The following PLEKHG7 variants were observed in gnomAD, a reference collection of about 807,000 sequenced individuals.
PLEKHG7 encodes pleckstrin homology domain-containing family G member 7.
A neutral mutation model predicts 85.2 loss-of-function variants in PLEKHG7; 77 were observed. The observed-to-expected ratio is 0.90, with a 90% CI of 0.75 to 1.09. The LOEUF (loss-of-function observed/expected upper bound fraction) is 1.09. Ranked by LOEUF, PLEKHG7 falls within the 50% of genes least tolerant of loss-of-function variation. The pLI, the probability that PLEKHG7 is intolerant of heterozygous loss-of-function variation, is 0.00. For synonymous variants in PLEKHG7, 301 were observed against 302.4 expected (o/e 1.00, Z 0.05); for missense variants, 777 against 804.3 (o/e 0.97, Z 0.41).
At chr12:92,764,392 C>T (rs1873127158) in intron 15 of PLEKHG7, among the ~76,000 whole-genome samples, 198 bp downstream of exon 15, 1 of 152,046 alleles carries the variant, frequency 6.6e-6, no homozygotes, top group Non-Finnish European at 1.5e-5. Flanking sequence ...TACTTGCTAG[C>T]CGTATGACCT....
intron 1 of PLEKHG7, among the ~76,000 whole-genome samples, chr12:92,706,203 C>T (rs1301557343): frequency 1.3e-5 from 2 of 152,120 alleles, no homozygotes; most frequent in Non-Finnish European, 1.5e-5. Flanking sequence ...CAGGAAGTAC[C>T]TTAAGTTACC....
Position 92,745,974 on chromosome 12 carries a change from G to A in PLEKHG7, c.1251+383G>A, listed in dbSNP as rs184019079. ...GAGTTAGTTCCAGCATAGAAACTTGGGACATCATTTACACTGTATTCTACA... is the reference window on the plus strand; with the variant it reads ...GAGTTAGTTCCAGCATAGAAACTTGAGACATCATTTACACTGTATTCTACA... On this transcript the variant is annotated intron_variant, in intron 10 of 16. Coordinates refer to ENST00000344636, the MANE Select transcript of PLEKHG7 (RefSeq NM_001377329.1). Among the ~76,000 whole-genome samples, 259 of 152,274 alleles carry A rather than the reference G, an allele frequency of 1.7e-3. 1 individual carries two copies. Among genetic ancestry groups the A allele is most frequent in the East Asian group, 6.8e-3 (35 of 5,182 alleles).
At position 92,707,126 on chromosome 12, in the gene PLEKHG7, C is replaced by T; in HGVS notation, c.495C>T (p.His165=). The change falls in exon 2 of 17, where the codon CAC becomes CAT. Residue 165 remains histidine, a synonymous_variant. Transcript: ENST00000344636. ...TCCTGCCCAGCCCCACCCTACGACA[C>T]CCTAGTCCTCAGGTAACACAGCTCT... ...GHFLPSPTLR[H]PSPQGEELHP... 1 of 1,612,862 alleles carries T rather than the reference C, an allele frequency of 6.2e-7. No homozygotes were observed. The highest frequency in any genetic ancestry group is 8.5e-7 in the Non-Finnish European group (1 of 1,179,470).
intron 11 of PLEKHG7, among the ~76,000 whole-genome samples, chr12:92,754,854 G>A (rs1398381650): frequency 1.3e-5 from 2 of 152,070 alleles, no homozygotes; most frequent in African/African-American, 4.8e-5. Flanking sequence ...GTGGGCATCA[G>A]AAGGGAACAA....
At chr12:92,729,167 G>A (rs867360835) in intron 4 of PLEKHG7, 47 bp downstream of exon 4, 10 of 1,230,792 alleles carry the variant, frequency 8.1e-6, no homozygotes, top group East Asian at 6.3e-5. Context: ...CTGTGGAACA[G>A]ATATTGCCAT....
chr12:92,707,851 C>A, intron 3 of PLEKHG7, 179 bp downstream of exon 3: 1 of 1,015,936 alleles, frequency 9.8e-7, no homozygotes, highest in South Asian at 1.5e-5. Context: ...AAGAGTCTCC[C>A]TTTAAGAGCA....
intron 7 of PLEKHG7, 51 bp from the exon 8 acceptor site, chr12:92,740,802 T>C (rs1872331856): frequency 1.5e-6 from 2 of 1,291,628 alleles, no homozygotes; most frequent in African/African-American, 3.0e-5. Flanking sequence ...AAAAGGCATG[T>C]TGCAAAATTA....
intron 15 of PLEKHG7, 135 bp from the exon 16 acceptor site, chr12:92,768,848 C>T (rs937714662): frequency 1.8e-6 from 1 of 555,890 alleles, no homozygotes; most frequent in African/African-American, 2.0e-5. Flanking sequence ...AAATTATAAG[C>T]TAGATAAACC....
chr12:92,742,834 A>G (rs1280137516), intron 9 of PLEKHG7, among the ~76,000 whole-genome samples: 2 of 152,064 alleles, frequency 1.3e-5, no homozygotes, highest in Admixed American at 1.3e-4. Flanking sequence ...CTGGGATTAG[A>G]GGAGTGAGCC....
In PLEKHG7 at chr12:92,723,722, C is replaced by T. The variant is rs1452246714; in HGVS notation, c.531-5271C>T. ...GTCACACTGCTAAGATTAAAATCCA[C>T]GAAATTTGACCCCACATTCTTAACC... On this transcript the variant is annotated intron_variant, in intron 3 of 16. Coordinates refer to ENST00000344636, the MANE Select transcript of PLEKHG7 (RefSeq NM_001377329.1). 3.3e-5 allele frequency among the ~76,000 whole-genome samples: 5 copies of T among 152,156 alleles called. No homozygotes were observed. In the East Asian group the frequency reaches 5.8e-4, roughly 18 times the overall value.
intron 9 of PLEKHG7, among the ~76,000 whole-genome samples, chr12:92,743,870 C>T (rs1178602433): frequency 1.3e-5 from 2 of 152,146 alleles, no homozygotes; most frequent in African/African-American, 4.8e-5. Context: ...CCATTAATGA[C>T]TCTTAATCTT....
chr12:92,756,389 C>G lies in PLEKHG7; in HGVS notation c.1634C>G (p.Ala545Gly), dbSNP rs1363979876. ...HLLYEGKLTL[A>G]ESTRFLDVYL... ...CTCTATGAAGGAAAATTAACTCTTG[C>G]AGGTAAATAACTGCTTCCTTTAAAA... is the stretch of plus-strand genomic sequence containing the variant. Residue 545 changes from alanine to glycine, a missense_variant and splice_region_variant, in exon 13 of 17, where the codon GCA becomes GGA. By Grantham distance (60) the Ala-to-Gly change is moderately conservative. Transcript: ENST00000344636. 1 of 1,606,236 alleles carries G rather than the reference C, an allele frequency of 6.2e-7. No individual in the cohort carries two copies. The highest frequency in any genetic ancestry group is 8.5e-7 in the Non-Finnish European group (1 of 1,173,030).
At position 92,707,062 on chromosome 12, in the gene PLEKHG7, C is replaced by T. The variant is rs1214728356; in HGVS notation, c.431C>T (p.Ser144Phe). The change falls in exon 2 of 17, where the codon TCC becomes TTC. Residue 144 changes from serine to phenylalanine, a missense_variant. This residue lies in a region of PLEKHG7 where 252 missense variants were observed against 241.9 expected (regional missense o/e 1.04). Coordinates refer to ENST00000344636, the MANE Select transcript of PLEKHG7 (RefSeq NM_001377329.1). Reference sequence around the variant, plus strand: ...GAGCTTCAGCCTGTCAATGAAGGGTCCCTTCACCAGGCCTCTCTTCGGCAG... The same window carrying T: ...GAGCTTCAGCCTGTCAATGAAGGGTTCCTTCACCAGGCCTCTCTTCGGCAG... ...PPELQPVNEG[S>F]LHQASLRQQE... The T allele has an allele frequency of 1.9e-6, 3 of 1,613,948 alleles. No individual in the cohort carries two copies. In the African/African-American group the frequency reaches 4.0e-5, roughly 22 times the overall value.
intron 4 of PLEKHG7, 100 bp downstream of exon 4, chr12:92,729,220 T>G: frequency 8.4e-7 from 1 of 1,191,722 alleles, no homozygotes; most frequent in Non-Finnish European, 1.0e-6. Flanking sequence ...TAGTAGAATA[T>G]ATGCACTGAC....
At chr12:92,743,345 G>A (rs1212402685) in intron 9 of PLEKHG7, among the ~76,000 whole-genome samples, 1 of 152,126 alleles carries the variant, frequency 6.6e-6, no homozygotes, top group Admixed American at 6.5e-5. Flanking sequence ...TCCTCCCCAA[G>A]AAGAGCAAAG....
intron 9 of PLEKHG7, among the ~76,000 whole-genome samples, chr12:92,745,150 G>T (rs954921399): frequency 6.6e-6 from 1 of 152,170 alleles, no homozygotes. Flanking sequence ...GTCCTGGAGG[G>T]TGTGGCACCT....
rs570515709 is a variant in PLEKHG7 at position 92,748,602 on chromosome 12, C to T, written c.1251+3011C>T. ...TCACCAGACACTTTCTCAAACATCT[C>T]TTAATTCGGAACACAAACCTGTAAA... On this transcript the variant is annotated intron_variant, in intron 10 of 16. Transcript: ENST00000344636. Among the ~76,000 whole-genome samples, 37 of 152,288 alleles carry T rather than the reference C, an allele frequency of 2.4e-4. 1 individual carries two copies. The South Asian group carries it at 4.8e-3, about 20-fold the overall frequency.
At chr12:92,727,901 T>C (rs1871861041) in intron 3 of PLEKHG7, among the ~76,000 whole-genome samples, 1 of 150,040 alleles carries the variant, frequency 6.7e-6, no homozygotes, top group Non-Finnish European at 1.5e-5. Context: ...AATTTCATGC[T>C]TTTTTATGGC....
chr12:92,761,386 TA>T (rs1470939675), intron 13 of PLEKHG7, among the ~76,000 whole-genome samples: 1 of 152,092 alleles, frequency 6.6e-6, no homozygotes, highest in African/African-American at 2.4e-5. Context: ...TCAATGTCTT[TA>T]ATGTTGGAAG....
Sources: gnomAD v4.1 joint callset for allele counts (sites outside exome capture counted in the v4.1 genomes callset) on GRCh38, gnomAD v4.1.1 for gene constraint, gnomAD v4.1.1 regional missense constraint, MANE v1.5 for transcripts, NCBI Gene and HGNC (gene_info 2026-07-23, HGNC 2026-07-21) for gene names.